The following CLEC4C variants were observed in gnomAD, a reference collection of about 807,000 sequenced individuals.
CLEC4C encodes C-type (calcium dependent, carbohydrate-recognition domain) lectin, superfamily member 11.
A neutral mutation model predicts 27.7 loss-of-function variants in CLEC4C; 17 were observed. The ratio of observed to expected loss-of-function variants is 0.61; its 90% CI spans 0.42 to 0.92. The LOEUF is 0.92. Ranked by LOEUF, CLEC4C falls within the 40% of genes least tolerant of loss-of-function variation. The pLI is 0.00. For missense variants in CLEC4C, 244 were observed against 257.3 expected (o/e 0.95, Z 0.35); for synonymous variants, 80 against 80.8 (o/e 0.99, Z 0.06).
chr12:7,730,184 CTACTTAGTCTCT>C (rs1342457457), intron 5 of CLEC4C, among the ~76,000 whole-genome samples: 6 of 152,226 alleles, frequency 3.9e-5, no homozygotes, highest in African/African-American at 1.4e-4. Context: ...CCTGGATCTG[CTACTTAGTCTCT>C]GTTATTTAGT....
At chr12:7,730,672 G>T in intron 5 of CLEC4C, 125 bp downstream of exon 5, 40 of 469,546 alleles carry the variant, frequency 8.5e-5, no homozygotes, top group Non-Finnish European at 1.1e-4. Flanking sequence ...AACCCTTGAT[G>T]TCAAATAGAC....
chr12:7,740,450 A>G (rs1190792088), intron 3 of CLEC4C, among the ~76,000 whole-genome samples: 4 of 152,076 alleles, frequency 2.6e-5, no homozygotes, highest in African/African-American at 4.8e-5. Context: ...CTGTAATCCC[A>G]GCACTTTGGG....
chr12:7,738,131 C>T (rs773961139), intron 3 of CLEC4C, among the ~76,000 whole-genome samples: 24 of 152,290 alleles, frequency 1.6e-4, no homozygotes, highest in African/African-American at 5.8e-4. Context: ...ATATAAATAT[C>T]ATTTAGAGTT....
At chr12:7,730,099 AT>A (rs1048787302) in intron 5 of CLEC4C, among the ~76,000 whole-genome samples, 80 of 151,902 alleles carry the variant, frequency 5.3e-4, no homozygotes, top group Non-Finnish European at 1.0e-3. Flanking sequence ...TGATTCAAAT[AT>A]TTTTTTTCCC....
At chr12:7,736,266 T>C (rs367835839) in intron 4 of CLEC4C, among the ~76,000 whole-genome samples, 8 of 150,550 alleles carry the variant, frequency 5.3e-5, no homozygotes, top group African/African-American at 1.7e-4. Context: ...CTGGGCGCCA[T>C]TGCACTCCAG....
At chr12:7,731,222 A>T (rs1864589273) in intron 4 of CLEC4C, among the ~76,000 whole-genome samples, 1 of 152,116 alleles carries the variant, frequency 6.6e-6, no homozygotes, top group Admixed American at 6.6e-5. Flanking sequence ...AAGATAGGAA[A>T]GCTAAAGGCA....
At chr12:7,747,726 C>T (rs1432884267), upstream of CLEC4C, among the ~76,000 whole-genome samples, 1 of 145,550 alleles carries the variant, frequency 6.9e-6, no homozygotes, top group African/African-American at 2.5e-5. Context: ...ACTACTACCT[C>T]TGCCTCGCGG....
At chr12:7,737,089 G>C (rs1288288573) in intron 4 of CLEC4C, among the ~76,000 whole-genome samples, 1 of 151,814 alleles carries the variant, frequency 6.6e-6, no homozygotes, top group Admixed American at 6.6e-5. Flanking sequence ...AAATTAGCCA[G>C]GCGTGGCGGT....
In CLEC4C at chr12:7,741,535, G is replaced by A; in HGVS notation, c.125-4C>T. On this transcript the variant is annotated splice_region_variant and splice_polypyrimidine_tract_variant and intron_variant, in intron 2 of 5. Coordinates refer to ENST00000360345, the MANE Select transcript of CLEC4C (RefSeq NM_001371390.1). Reference sequence around the variant, plus strand: ...CTATACATAAAATTGTGAGGCACTGGGAAAGAGAAATCGGAGTTAGTTCTC... The same window carrying A: ...CTATACATAAAATTGTGAGGCACTGAGAAAGAGAAATCGGAGTTAGTTCTC... 1 of 1,501,910 alleles carries A rather than the reference G, an allele frequency of 6.7e-7. No individual in the cohort carries two copies. Among genetic ancestry groups the A allele is most frequent in the Non-Finnish European group, 9.3e-7 (1 of 1,081,054 alleles). 93.0% of individuals were successfully genotyped at this position (1,501,910 alleles called of 1,614,324 possible).
At chr12:7,747,934 A>AAAG (rs1865022286), upstream of CLEC4C, among the ~76,000 whole-genome samples, 1 of 151,264 alleles carries the variant, frequency 6.6e-6, no homozygotes. Context: ...AAAAAAAAAA[A>AAAG]AAAAAAGCCT....
At chr12:7,732,781 T>G (rs1475969373) in intron 4 of CLEC4C, among the ~76,000 whole-genome samples, 1 of 149,716 alleles carries the variant, frequency 6.7e-6, no homozygotes, top group Non-Finnish European at 1.5e-5. Flanking sequence ...GCTAACATGG[T>G]GAAACCCCGT....
chr12:7,737,787 TA>T (rs1349606126), intron 3 of CLEC4C, among the ~76,000 whole-genome samples: 10 of 152,136 alleles, frequency 6.6e-5, no homozygotes, highest in African/African-American at 2.4e-4. Flanking sequence ...GGCCAGATAG[TA>T]AATATCTCAG....
chr12:7,733,218 G>A (rs984378544), intron 4 of CLEC4C, among the ~76,000 whole-genome samples: 1 of 151,620 alleles, frequency 6.6e-6, no homozygotes. Flanking sequence ...TACATGTTCT[G>A]TGTTACAAGA....
chr12:7,742,872 A>G (rs1023344032), intron 2 of CLEC4C, among the ~76,000 whole-genome samples: 5 of 152,020 alleles, frequency 3.3e-5, no homozygotes, highest in Non-Finnish European at 7.4e-5. Flanking sequence ...ATGCTCTTAC[A>G]AAGTCTGCAA....
In CLEC4C at chr12:7,737,543, T is replaced by C. The variant is rs746013818; in HGVS notation, c.267A>G (p.Ser89=). Residue 89 remains serine, a synonymous_variant, in exon 4 of 6, where the codon TCA becomes TCG. Coordinates refer to ENST00000360345, the MANE Select transcript of CLEC4C (RefSeq NM_001371390.1). ...DWSCCPTPWT[S]FQSSCYFIST... ...AAATAAAGTAGCAACTAGACTGAAA[T>C]GAAGTCCAAGGGGTTGGGCAGCAGC... The C allele has an allele frequency of 3.7e-6, 6 of 1,613,930 alleles. No homozygotes were observed. The highest frequency in any genetic ancestry group is 3.3e-5 in the South Asian group (3 of 91,076).
At chr12:7,747,733 G>A (rs1235134035), upstream of CLEC4C, among the ~76,000 whole-genome samples, 6 of 138,796 alleles carry the variant, frequency 4.3e-5, no homozygotes, top group South Asian at 4.6e-4. Context: ...CCTCTGCCTC[G>A]CGGGTTCAAG....
rs151240308 is a variant in CLEC4C at position 7,736,674 on chromosome 12, C to T, written c.381+755G>A. 4.6e-3 allele frequency among the ~76,000 whole-genome samples: 707 copies of T among 152,044 alleles called. 4 individuals are homozygous for T. The highest frequency in any genetic ancestry group is 0.016 in the African/African-American group (664 of 41,490). Reference sequence around the variant, plus strand: ...CTGTAATCCCAGCACTTTGGGAGGCCGAGACGGGCAGATCACGAGGTCAGG... The same window carrying T: ...CTGTAATCCCAGCACTTTGGGAGGCTGAGACGGGCAGATCACGAGGTCAGG... On this transcript the variant is annotated intron_variant, in intron 4 of 5. Coordinates refer to ENST00000360345, the MANE Select transcript of CLEC4C (RefSeq NM_001371390.1).
chr12:7,747,308 G>C lies in CLEC4C; in HGVS notation c.31+10C>G. The C allele has an allele frequency of 2.5e-6, 4 of 1,613,886 alleles. No individual in the cohort carries two copies. Among genetic ancestry groups the C allele is most frequent in the Non-Finnish European group, 3.4e-6 (4 of 1,179,796 alleles). ...CTACCTTCCCTAGAACTGAGAAGATGAGTGCTTACCTCGGTCTTGAGGCTC... is the reference window on the plus strand; with the variant it reads ...CTACCTTCCCTAGAACTGAGAAGATCAGTGCTTACCTCGGTCTTGAGGCTC... On this transcript the variant is annotated intron_variant, in intron 1 of 5. Transcript: ENST00000360345.
intron 2 of CLEC4C, 39 bp downstream of exon 2, chr12:7,746,292 A>C (rs1415548988): frequency 1.8e-6 from 2 of 1,141,796 alleles, no homozygotes; most frequent in Non-Finnish European, 2.6e-6. Flanking sequence ...TGATTGGGAA[A>C]AGGACCAAGA....
Sources: gnomAD v4.1 joint callset for allele counts (sites outside exome capture counted in the v4.1 genomes callset) on GRCh38, gnomAD v4.1.1 for gene constraint, MANE v1.5 for transcripts, NCBI Gene and HGNC (gene_info 2026-07-23, HGNC 2026-07-21) for gene names.